C17orf78: variants seen among roughly 807,000 people sequenced by gnomAD.
C17orf78 encodes the protein uncharacterized protein C17orf78.
A neutral mutation model predicts 31.8 loss-of-function variants in C17orf78; 27 were observed. The ratio of observed to expected loss-of-function variants is 0.85; its 90% CI spans 0.63 to 1.17. C17orf78 has a LOEUF of 1.17. C17orf78 is among the 50% of genes most tolerant of loss of function. C17orf78 has a pLI of 0.00. For missense variants in C17orf78, 258 were observed against 315.2 expected, an observed-to-expected ratio of 0.82 and a Z score of 1.37; for synonymous variants, 106 against 115.1, an observed-to-expected ratio of 0.92 and a Z score of 0.51.
At position 37,381,274 on chromosome 17, in the gene C17orf78, C is replaced by T. The variant is rs1236621884; in HGVS notation, c.391+1892C>T. On this transcript the variant is annotated intron_variant, in intron 3 of 6. Transcript: ENST00000615133. ...GATCTCGTCTCACTGCAACCTCCTC[C>T]TCCCAGGTTCACGTGATTCTCCTGT... 2.6e-5 allele frequency among the ~76,000 whole-genome samples: 4 copies of T among 152,138 alleles called. No individual in the cohort carries two copies. In the East Asian group the frequency reaches 7.7e-4, roughly 29 times the overall value.
rs143571007 is a variant in C17orf78, at chr17:37,390,967, G to A, written c.751-680G>A. On this transcript the variant is annotated intron_variant, in intron 6 of 6. Coordinates refer to ENST00000615133, the MANE Select transcript of C17orf78 (RefSeq NM_173625.5). ...TAAAGGAATAAAAATAGGGCCAGGC[G>A]TGGTGGCTCATGCCTGTAATCCCAG... is the stretch of plus-strand genomic sequence containing the variant. 7.7e-3 allele frequency among the ~76,000 whole-genome samples: 1,172 copies of A among 151,940 alleles called. 10 individuals carry two copies. Among genetic ancestry groups the A allele is most frequent in the African/African-American group, 0.025 (1,040 of 41,404 alleles).
At position 37,389,673 on chromosome 17, in the gene C17orf78, T is replaced by C. The variant is rs1316008553; in HGVS notation, c.750+311T>C. Among the ~76,000 whole-genome samples the C allele has an allele frequency of 6.7e-5, 10 of 149,522 alleles. 1 individual carries two copies. Among genetic ancestry groups the C allele is most frequent in the Admixed American group, 4.7e-4 (7 of 14,918 alleles). ...TTGTACTCCAGCCTGGGCAACAGAG[T>C]AAGACTCTGTCTCAAAAAAAAAAGA... On this transcript the variant is annotated intron_variant, in intron 6 of 6. Transcript: ENST00000615133.
intron 3 of C17orf78, among the ~76,000 whole-genome samples, chr17:37,382,345 T>C (rs1261302816): frequency 2.6e-5 from 4 of 151,820 alleles, no homozygotes; most frequent in Admixed American, 2.6e-4. Context: ...CACCCTTTCT[T>C]TTTTTCATAT....
chr17:37,388,532 G>A (rs1295829567), intron 4 of C17orf78, 138 bp from the exon 5 acceptor site: 11 of 1,015,312 alleles, frequency 1.1e-5, no homozygotes, highest in Non-Finnish European at 1.6e-5. Flanking sequence ...AGTTTGAATT[G>A]GAAATTCTGC....
chr17:37,380,418 A>C (rs1217431161), intron 3 of C17orf78, among the ~76,000 whole-genome samples: 1 of 151,918 alleles, frequency 6.6e-6, no homozygotes, highest in East Asian at 1.9e-4. Context: ...TAAAACTTAA[A>C]GTATAATAAT....
At chr17:37,378,064 A>G in intron 2 of C17orf78, 99 bp downstream of exon 2, 1 of 1,121,702 alleles carries the variant, frequency 8.9e-7, no homozygotes, top group Non-Finnish European at 1.3e-6. Context: ...CCATATCTCA[A>G]ATATCCTATT....
chr17:37,390,077 A>C (rs1271295232), intron 6 of C17orf78, among the ~76,000 whole-genome samples: 3 of 134,690 alleles, frequency 2.2e-5, no homozygotes, highest in African/African-American at 8.6e-5. Context: ...GACTTGCTAG[A>C]GTCCAGGAGT....
At chr17:37,389,538 A>C (rs1479657174) in intron 6 of C17orf78, among the ~76,000 whole-genome samples, 176 bp downstream of exon 6, 1 of 152,034 alleles carries the variant, frequency 6.6e-6, no homozygotes, top group Non-Finnish European at 1.5e-5. Flanking sequence ...CTAAAAATAC[A>C]AAAATTAGCC....
At chr17:37,390,330 A>ATATATATAATATATATATATATC (rs1386032855) in intron 6 of C17orf78, among the ~76,000 whole-genome samples, 2 of 41,592 alleles carry the variant, frequency 4.8e-5, no homozygotes, top group Non-Finnish European at 7.5e-5. Flanking sequence ...ATATATATAT[A>ATATATATAATATATATATATATC]TATAAAAGGC....
chr17:37,382,968 C>T (rs1345966796), intron 3 of C17orf78, among the ~76,000 whole-genome samples: 5 of 152,102 alleles, frequency 3.3e-5, no homozygotes, highest in African/African-American at 4.8e-5. Flanking sequence ...ACCCGGGAGG[C>T]GGAGGTTGCA....
At chr17:37,391,603 ACTTGCATC>A in intron 6 of C17orf78, 36 bp from the exon 7 acceptor site, 1 of 1,560,460 alleles carries the variant, frequency 6.4e-7, no homozygotes, top group Non-Finnish European at 8.8e-7. Flanking sequence ...AGAACTATAC[ACTTGCATC>A]CTTTTTTAAC....
chr17:37,378,272 G>C (rs1030080688), intron 2 of C17orf78, among the ~76,000 whole-genome samples: 55 of 152,326 alleles, frequency 3.6e-4, no homozygotes, highest in African/African-American at 1.3e-3. Context: ...CAACCTTCAT[G>C]GGAACCATGG....
chr17:37,385,272 G>T (rs930215900), intron 3 of C17orf78, among the ~76,000 whole-genome samples: 1 of 152,120 alleles, frequency 6.6e-6, no homozygotes, highest in African/African-American at 2.4e-5. Context: ...AGGAGTTTAA[G>T]ACCAGCCTGG....
intron 4 of C17orf78, among the ~76,000 whole-genome samples, chr17:37,388,334 A>G (rs1568091734): frequency 6.6e-6 from 1 of 152,182 alleles, no homozygotes; most frequent in Non-Finnish European, 1.5e-5. Context: ...TAAAGCTGAC[A>G]GTAAAAGAAG....
chr17:37,390,334 A>ATATATATATATATATATCTAT (rs2050822111), intron 6 of C17orf78, among the ~76,000 whole-genome samples: 2 of 93,434 alleles, frequency 2.1e-5, no homozygotes, highest in African/African-American at 4.5e-5. Context: ...ATATATATAT[A>ATATATATATATATATATCTAT]AAAGGCCAGC....
At chr17:37,378,800 G>T (rs893581993) in intron 2 of C17orf78, among the ~76,000 whole-genome samples, 5 of 150,718 alleles carry the variant, frequency 3.3e-5, no homozygotes, top group African/African-American at 1.2e-4. Flanking sequence ...GGTGGCTCAT[G>T]TCTGTAATCC....
At chr17:37,376,258 T>A (rs1486350057) in intron 1 of C17orf78, 108 bp downstream of exon 1, 2 of 919,528 alleles carry the variant, frequency 2.2e-6, no homozygotes, top group East Asian at 4.9e-5. Flanking sequence ...CAGCAAGCAA[T>A]ACTTTCCAGA....
intron 3 of C17orf78, among the ~76,000 whole-genome samples, chr17:37,380,967 A>G (rs2050227193): frequency 6.6e-6 from 1 of 151,672 alleles, no homozygotes; most frequent in South Asian, 2.1e-4. Flanking sequence ...ATTTATAGTG[A>G]AAAGTAAGTC....
intron 3 of C17orf78, among the ~76,000 whole-genome samples, chr17:37,380,773 T>C (rs1199216189): frequency 6.6e-6 from 1 of 152,060 alleles, no homozygotes; most frequent in Non-Finnish European, 1.5e-5. Flanking sequence ...AATTTTTGTA[T>C]TTTTAGTAGA....
Sources: gnomAD v4.1 joint callset for allele counts (sites outside exome capture counted in the v4.1 genomes callset) on GRCh38, gnomAD v4.1.1 for gene constraint, MANE v1.5 for transcripts, NCBI Gene and HGNC (gene_info 2026-07-23, HGNC 2026-07-21) for gene names.